Variants in BAZ2A observed in about 807,000 individuals in gnomAD.
The protein encoded by BAZ2A is bromodomain adjacent to zinc finger domain protein 2A.
Under a neutral mutation model 199.9 loss-of-function variants are expected in BAZ2A, and 34 were observed. The ratio of observed to expected loss-of-function variants is 0.17; its 90% CI spans 0.13 to 0.23. BAZ2A has a LOEUF of 0.23. Ranked by LOEUF, BAZ2A falls within the 10% of genes least tolerant of loss-of-function variation. The pLI, the probability that BAZ2A is intolerant of heterozygous loss-of-function variation, is 1.00. For missense variants in BAZ2A, 2,002 were observed against 2,391.1 expected (o/e 0.84, Z 3.39); for synonymous variants, 857 against 883.9 (o/e 0.97, Z 0.54).
At chr12:56,619,210 T>C (rs569504995) in intron 1 of BAZ2A, among the ~76,000 whole-genome samples, 155 of 151,978 alleles carry the variant, frequency 1.0e-3, no homozygotes, top group Non-Finnish European at 1.9e-3. Context: ...CTGGGCGTGG[T>C]GGCAGGCACC....
Position 56,612,086 on chromosome 12 carries a change from G to A in BAZ2A, c.1296C>T (p.Ser432=), listed in dbSNP as rs765516366. ...GAGAAACCACTAGGGAGACTGCTGG[G>A]GAGGTTGTTGGCGAGACTGCTGGTG... The part of the protein sequence containing the change: ...ATSPAVSPTT[S]PAVSLVVSPA... Residue 432 remains serine (S), a synonymous_variant, in exon 6 of 29, where the codon TCC becomes TCT. Coordinates refer to ENST00000549884, the MANE Select transcript of BAZ2A (RefSeq NM_001300905.2). 5 of 1,613,780 alleles carry A rather than the reference G, an allele frequency of 3.1e-6. No homozygotes were observed. The South Asian group carries it at 4.4e-5, about 14-fold the overall frequency.
chr12:56,626,808 T>TC (rs1296528874), intron 1 of BAZ2A, among the ~76,000 whole-genome samples: 1 of 152,224 alleles, frequency 6.6e-6, no homozygotes, highest in Non-Finnish European at 1.5e-5. Context: ...AACTTGCTGT[T>TC]CTGTCAAGTG....
intron 3 of BAZ2A, among the ~76,000 whole-genome samples, chr12:56,614,703 A>G (rs940082843): frequency 6.4e-4 from 97 of 151,452 alleles, no homozygotes; most frequent in African/African-American, 2.3e-3. Context: ...GACCCTAACC[A>G]CTCCGTATAT....
chr12:56,604,926 CAAAAG>C, intron 14 of BAZ2A, 127 bp from the exon 15 acceptor site: 1 of 1,346,418 alleles, frequency 7.4e-7, no homozygotes, highest in Non-Finnish European at 9.9e-7. Flanking sequence ...AAGAAGACCA[CAAAAG>C]AAAAGGAAAA....
At position 56,601,004 on chromosome 12, in the gene BAZ2A, A is replaced by C. The variant is rs1886414472; in HGVS notation, c.4389T>G (p.Leu1463=). The part of the protein sequence containing the change: ...LHPRGIREKA[L]HKHLNKHRDF... Reference sequence around the variant, plus strand: ...CCCTGTGCTTGTTAAGGTGTTTGTGAAGTGCCTTCTCCCGGATACCTCGGG... The same window carrying C: ...CCCTGTGCTTGTTAAGGTGTTTGTGCAGTGCCTTCTCCCGGATACCTCGGG... The change falls in exon 22 of 29, where the codon CTT becomes CTG. Residue 1463 remains leucine (L), a synonymous_variant. Transcript: ENST00000549884. 1 of 1,611,768 alleles carries C rather than the reference A, an allele frequency of 6.2e-7. No homozygotes were observed. Among genetic ancestry groups the C allele is most frequent in the Admixed American group, 1.7e-5 (1 of 59,384 alleles).
upstream of BAZ2A, chr12:56,630,944 G>T: frequency 1.2e-6 from 1 of 814,454 alleles, no homozygotes; most frequent in Non-Finnish European, 1.5e-6. Flanking sequence ...AGTCAGAGAA[G>T]TAAAGGATAA....
At chr12:56,626,773 CT>C (rs1034893993) in intron 1 of BAZ2A, among the ~76,000 whole-genome samples, 16 of 152,332 alleles carry the variant, frequency 1.1e-4, no homozygotes, top group African/African-American at 3.8e-4. Context: ...TTTCTTTACT[CT>C]TTTAACCCCC....
chr12:56,623,747 G>A (rs1950996860), intron 1 of BAZ2A, among the ~76,000 whole-genome samples: 1 of 152,098 alleles, frequency 6.6e-6, no homozygotes, highest in Non-Finnish European at 1.5e-5. Context: ...TCAACAAACA[G>A]GACAGCGCCC....
rs904189721 is a variant in BAZ2A, at chr12:56,598,365, TTTTC to T, written c.*249_*252del. 48 of 402,182 alleles carry T rather than the reference TTTTC, an allele frequency of 1.2e-4. No homozygotes were observed. Among genetic ancestry groups the T allele is most frequent in the Admixed American group, 2.1e-4 (5 of 24,352 alleles). The allele number at this position is 402,182 out of a possible 1,614,324, so 24.9% of individuals were successfully genotyped here. A position where few individuals can be genotyped will look rare whatever the true frequency, so the allele number is the denominator to read the frequency against. On this transcript the variant is annotated 3_prime_UTR_variant, in exon 29 of 29. Transcript: ENST00000549884. The stretch of plus-strand genomic sequence containing the variant: ...ATAAAACAGAAAAGAAAAATTATTT[TTTTC>T]TTTCTTTTTTTGGCTTTTAGTCCAG...
chr12:56,614,196 AG>A (rs1950644970), intron 3 of BAZ2A, 58 bp from the exon 4 acceptor site: 1 of 1,526,312 alleles, frequency 6.6e-7, no homozygotes, highest in African/African-American at 1.4e-5. Flanking sequence ...TGGTTCACTT[AG>A]CTATACTAGG....
upstream of BAZ2A, chr12:56,636,513 G>A (rs1210003843): frequency 4.0e-6 from 2 of 502,270 alleles, no homozygotes; most frequent in Non-Finnish European, 6.0e-6. Flanking sequence ...CATGGTAGAA[G>A]AGGCCGGCAA....
In BAZ2A at chr12:56,602,189, G is replaced by A. The variant is rs1339056887; in HGVS notation, c.3428C>T (p.Pro1143Leu). The A allele has an allele frequency of 6.3e-7, 1 of 1,576,162 alleles. No individual in the cohort carries two copies. The highest frequency in any genetic ancestry group is 8.6e-7 in the Non-Finnish European group (1 of 1,159,444). The change falls in exon 20 of 29, where the codon CCT (proline) becomes CTT (leucine). Residue 1143 changes from proline to leucine, a missense_variant. Coordinates refer to ENST00000549884, the MANE Select transcript of BAZ2A (RefSeq NM_001300905.2). ...FVEGTEGNLV[P>L]EEVIKKETDS... is the part of the protein sequence containing the mutation. ...AGTTTCCTTCTTTATCACCTCCTCA[G>A]GAACTGTAAAGAGAAGTAAAGAGTT... is the stretch of plus-strand genomic sequence containing the variant.
intron 1 of BAZ2A, chr12:56,621,172 C>G: frequency 1.0e-6 from 1 of 985,394 alleles, no homozygotes; most frequent in Non-Finnish European, 1.2e-6. Flanking sequence ...TGGACTATAT[C>G]CTCCTCAATG....
chr12:56,599,934 C>T, intron 25 of BAZ2A, 30 bp downstream of exon 25: 1 of 1,613,450 alleles, frequency 6.2e-7, no homozygotes, highest in South Asian at 1.1e-5. Context: ...GCTGGCCCCT[C>T]AGCCTCTCCA....
At chr12:56,614,787 C>G (rs1389678344) in intron 3 of BAZ2A, among the ~76,000 whole-genome samples, 1 of 152,170 alleles carries the variant, frequency 6.6e-6, no homozygotes, top group Non-Finnish European at 1.5e-5. Flanking sequence ...CCTCTCCAGG[C>G]CAGAAGCTCT....
rs758839499 is a variant in BAZ2A at position 56,615,530 on chromosome 12, G to T, written c.214C>A (p.Pro72Thr). The T allele has an allele frequency of 6.2e-7, 1 of 1,613,236 alleles. No homozygotes were observed. The highest frequency in any genetic ancestry group is 1.3e-5 in the African/African-American group (1 of 74,876). The change falls in exon 3 of 29, where the codon CCC becomes ACC. Residue 72 changes from proline to threonine, a missense_variant. This residue lies in a region of BAZ2A where 641 missense variants were observed against 694.5 expected (regional missense o/e 0.92). Transcript: ENST00000549884. ...AGGTGTGAGGTGCTGGAGGAGTGGG[G>T]AGCAGAGTTCAAAATCCCTGAAGTA... ...TTTSGILNSA[P>T]HSSSTSHLHH... is the part of the protein sequence containing the mutation.
At chr12:56,612,993 TG>T in intron 5 of BAZ2A, 21 bp downstream of exon 5, 1 of 1,590,190 alleles carries the variant, frequency 6.3e-7, no homozygotes, top group East Asian at 2.2e-5. Context: ...GGTCTTTCTT[TG>T]TCCTACCTAC....
rs1232336195 is a variant in BAZ2A at position 56,603,546 on chromosome 12, C to T, written c.3193G>A (p.Gly1065Ser). The T allele has an allele frequency of 6.2e-7, 1 of 1,614,038 alleles. No individual in the cohort carries two copies. Among genetic ancestry groups the T allele is most frequent in the Non-Finnish European group, 8.5e-7 (1 of 1,179,914 alleles). The stretch of plus-strand genomic sequence containing the variant: ...TCTCCATCTCTTCGACCCCTGCGGC[C>T]AGGGACAGCTGCTATAGACTCCTCT... ...EEEESIAAVP[G>S]RRGRRDGEVD... Residue 1065 changes from glycine to serine, a missense_variant, in exon 17 of 29, where the codon GGC (glycine) becomes AGC (serine). By Grantham distance (56) the Gly-to-Ser change is moderately conservative. Around this residue, in one of 6 missense-constraint regions of BAZ2A, gnomAD observed 1,081 missense variants for 1,274.7 expected, o/e 0.85. Coordinates refer to ENST00000549884, the MANE Select transcript of BAZ2A (RefSeq NM_001300905.2).
rs754803184 is a variant in BAZ2A, at chr12:56,613,005, C to T, written c.1135+10G>A. 6.9e-6 allele frequency: 11 copies of T among 1,604,036 alleles called. No homozygotes were observed. In the East Asian group the frequency reaches 1.8e-4, roughly 26 times the overall value. ...AAAGGTCTTTCTTTGTCCTACCTAC[C>T]GTCACTTACCTTGCAGGACAGACTC... On this transcript the variant is annotated intron_variant, in intron 5 of 28. Transcript: ENST00000549884.
Sources: allele counts gnomAD v4.1 joint callset (sites outside exome capture counted in the v4.1 genomes callset), GRCh38; gene constraint gnomAD v4.1.1; regional missense constraint gnomAD v4.1.1; transcripts MANE v1.5; gene names NCBI Gene and HGNC (gene_info 2026-07-23, HGNC 2026-07-21).